Variants in POMT2 observed in about 807,000 individuals in gnomAD.
POMT2 encodes protein O-mannosyltransferase 2, also known as protein O-mannosyl-transferase 2.
A neutral mutation model predicts 100.0 loss-of-function variants in POMT2; 75 were observed. The observed-to-expected ratio is 0.75, with a 90% CI of 0.62 to 0.91. The LOEUF is 0.91. POMT2 is among the 40% of genes least tolerant of loss of function. The pLI is 0.00. For synonymous variants in POMT2, 378 were observed against 374.1 expected (o/e 1.01, Z -0.12); for missense variants, 940 against 955.1 (o/e 0.98, Z 0.21).
intron 10 of POMT2, among the ~76,000 whole-genome samples, chr14:77,289,125 T>C (rs1890550260): frequency 6.6e-6 from 1 of 151,898 alleles, no homozygotes; most frequent in Non-Finnish European, 1.5e-5. Flanking sequence ...GCACAGTGGC[T>C]CACGCCTGTA....
chr14:77,302,684 A>G, intron 5 of POMT2, 151 bp downstream of exon 5: 1 of 675,324 alleles, frequency 1.5e-6, no homozygotes, highest in South Asian at 1.6e-5. Flanking sequence ...AAAATGGACA[A>G]TCTAAGTTAA....
At chr14:77,300,909 G>A in intron 6 of POMT2, 181 bp downstream of exon 6, 1 of 1,001,162 alleles carries the variant, frequency 1.0e-6, no homozygotes, top group Non-Finnish European at 1.5e-6. Flanking sequence ...ACCCTATCCA[G>A]TCCTCAGCCG....
At position 77,286,829 on chromosome 14, in the gene POMT2, G is replaced by A. The variant is rs753987994; in HGVS notation, c.1254-7C>T. 6 of 1,614,046 alleles carry A rather than the reference G, an allele frequency of 3.7e-6. No individual in the cohort carries two copies. The highest frequency in any genetic ancestry group is 5.1e-6 in the Non-Finnish European group (6 of 1,180,038). Reference sequence around the variant, plus strand: ...GTGCAAGTTCCGGGAAGTTCTAGAAGTTAGAAAAGAGAAGTGTCATTATCC... The same window carrying A: ...GTGCAAGTTCCGGGAAGTTCTAGAAATTAGAAAAGAGAAGTGTCATTATCC... On this transcript the variant is annotated splice_region_variant and splice_polypyrimidine_tract_variant and intron_variant, in intron 11 of 20. Coordinates refer to ENST00000261534, the MANE Select transcript of POMT2 (RefSeq NM_013382.7).
rs747973852 is a variant in POMT2, at chr14:77,320,590, C to T, written c.92G>A (p.Arg31Gln). 6.3e-7 allele frequency: 1 copy of T among 1,581,022 alleles called. No homozygotes were observed. Among genetic ancestry groups the T allele is most frequent in the South Asian group, 1.1e-5 (1 of 88,904 alleles). Reference protein sequence around the residue: ...CGPQAARAAGRDVAAEAVARS... With the variant: ...CGPQAARAAGQDVAAEAVARS... Reference sequence around the variant, plus strand: ...CGCCACAGCCTCAGCGGCCACGTCCCGGCCTGCGGCCCTAGCAGCCTGGGG... The same window carrying T: ...CGCCACAGCCTCAGCGGCCACGTCCTGGCCTGCGGCCCTAGCAGCCTGGGG... The change falls in exon 1 of 21, where the codon CGG (arginine) becomes CAG (glutamine). Residue 31 changes from arginine (R) to glutamine (Q), a missense_variant. Physicochemically the swap from Arg to Gln is conservative, Grantham distance 43. Transcript: ENST00000261534.
rs183983287 is a variant in POMT2, at chr14:77,311,934, C to T, written c.333+15G>A. ...CCTCTGGGACCAGAGAGCTGCTATT[C>T]ACCACACTGCTCACCTTTCCCAGGG... On this transcript the variant is annotated intron_variant, in intron 2 of 20. Transcript: ENST00000261534. The T allele has an allele frequency of 5.6e-6, 9 of 1,613,882 alleles. No homozygotes were observed. The highest frequency in any genetic ancestry group is 7.6e-6 in the Non-Finnish European group (9 of 1,179,888).
rs546843743 is a variant in POMT2 at position 77,296,154 on chromosome 14, G to A, written c.1116+10C>T. On this transcript the variant is annotated intron_variant, in intron 9 of 20. Transcript: ENST00000261534. ...TTGCTGCCGTACAAGTGCACAAAAG[G>A]CTCACTGACCTGCTGCTGACGGGCA... The A allele has an allele frequency of 3.8e-6, 6 of 1,584,426 alleles. No individual in the cohort carries two copies. In the South Asian group the frequency reaches 5.8e-5, roughly 15 times the overall value.
intron 1 of POMT2, 103 bp from the exon 2 acceptor site, chr14:77,312,136 A>C: frequency 2.0e-6 from 3 of 1,494,104 alleles, no homozygotes; most frequent in Non-Finnish European, 2.7e-6. Flanking sequence ...CATTTCAAAC[A>C]ATTAATGCAA....
chr14:77,313,240 T>C (rs1462335098), intron 1 of POMT2, among the ~76,000 whole-genome samples: 1 of 152,246 alleles, frequency 6.6e-6, no homozygotes, highest in East Asian at 1.9e-4. Flanking sequence ...TACCTAAGAA[T>C]CTAAGGTTCT....
At chr14:77,305,077 G>C (rs1352398978) in intron 3 of POMT2, among the ~76,000 whole-genome samples, 1 of 152,160 alleles carries the variant, frequency 6.6e-6, no homozygotes, top group Non-Finnish European at 1.5e-5. Flanking sequence ...AGGGAGAAAA[G>C]CAACCAAGTA....
At chr14:77,283,900 G>C in intron 14 of POMT2, 27 bp from the exon 15 acceptor site, 1 of 1,554,692 alleles carries the variant, frequency 6.4e-7, no homozygotes. Flanking sequence ...CAGGAGAAAA[G>C]CCTTTGTCAT....
intron 19 of POMT2, 61 bp downstream of exon 19, chr14:77,278,668 G>A (rs1328832033): frequency 6.2e-7 from 1 of 1,603,802 alleles, no homozygotes; most frequent in East Asian, 2.2e-5. Flanking sequence ...CAGCACTGCT[G>A]CCCAACAGTG....
chr14:77,311,107 T>C (rs1005148503), intron 2 of POMT2, among the ~76,000 whole-genome samples: 2 of 152,198 alleles, frequency 1.3e-5, no homozygotes, highest in Non-Finnish European at 2.9e-5. Context: ...CAGTCCAGCC[T>C]GGGTGGCAAG....
At chr14:77,308,352 T>G (rs950183247) in intron 2 of POMT2, among the ~76,000 whole-genome samples, 5 of 113,336 alleles carry the variant, frequency 4.4e-5, no homozygotes, top group African/African-American at 1.3e-4. Flanking sequence ...GACAAAGTTT[T>G]TTTGTTTTTT....
intron 1 of POMT2, among the ~76,000 whole-genome samples, chr14:77,317,462 G>A (rs1566664605): frequency 6.6e-6 from 1 of 152,190 alleles, no homozygotes; most frequent in Non-Finnish European, 1.5e-5. Context: ...CCACCCAACA[G>A]TGTCAACAGT....
rs749051061 is a variant in POMT2, at chr14:77,296,170, C to T, written c.1110G>A (p.Gln370=). The T allele has an allele frequency of 1.2e-6, 2 of 1,600,650 alleles. No homozygotes were observed. The highest frequency in any genetic ancestry group is 4.5e-5 in the East Asian group (2 of 44,462). Residue 370 remains glutamine, a synonymous_variant, in exon 9 of 21, where the codon CAG becomes CAA. Transcript: ENST00000261534. ...GCACAAAAGGCTCACTGACCTGCTG[C>T]TGACGGGCACCAATGCCCTCGGGGT... The part of the protein sequence containing the change: ...HLYPEGIGAR[Q]QQVTTYLHKD...
At chr14:77,309,168 T>C (rs1181250249) in intron 2 of POMT2, among the ~76,000 whole-genome samples, 1 of 152,232 alleles carries the variant, frequency 6.6e-6, no homozygotes, top group Non-Finnish European at 1.5e-5. Context: ...CATACACGCT[T>C]GTATTTGTAT....
chr14:77,302,718 G>A, intron 5 of POMT2, 117 bp downstream of exon 5: 1 of 772,332 alleles, frequency 1.3e-6, no homozygotes, highest in East Asian at 2.7e-5. Flanking sequence ...AAGTATGCTT[G>A]CCTTAAAATC....
intron 10 of POMT2, among the ~76,000 whole-genome samples, chr14:77,290,442 A>G (rs1594788266): frequency 6.6e-6 from 1 of 152,218 alleles, no homozygotes; most frequent in South Asian, 2.1e-4. Flanking sequence ...CTACACAGCA[A>G]TAAGAGGAGG....
chr14:77,301,149 C>T lies in POMT2; in HGVS notation c.757G>A (p.Val253Met). The T allele has an allele frequency of 2.5e-6, 4 of 1,614,242 alleles. No individual in the cohort carries two copies. The highest frequency in any genetic ancestry group is 3.4e-6 in the Non-Finnish European group (4 of 1,180,040). Residue 253 changes from valine to methionine, a missense_variant, in exon 6 of 21, where the codon GTG becomes ATG. Coordinates refer to ENST00000261534, the MANE Select transcript of POMT2 (RefSeq NM_013382.7). Reference protein sequence around the residue: ...KFVGLFIILQVGLNTIADLWY... With the variant: ...KFVGLFIILQMGLNTIADLWY... ...AGGTCTGCAATGGTGTTCAGCCCCACTTGAAGGATGATAAAGAGGCCAACA... is the reference window on the plus strand; with the variant it reads ...AGGTCTGCAATGGTGTTCAGCCCCATTTGAAGGATGATAAAGAGGCCAACA...
Sources: allele counts gnomAD v4.1 joint callset (sites outside exome capture counted in the v4.1 genomes callset), GRCh38; gene constraint gnomAD v4.1.1; transcripts MANE v1.5; gene names NCBI Gene and HGNC (gene_info 2026-07-23, HGNC 2026-07-21).